Variants in HIRA observed in about 807,000 individuals in gnomAD.
HIRA encodes the protein protein HIRA.
A neutral mutation model predicts 126.6 loss-of-function variants in HIRA; 13 were observed. The ratio of observed to expected loss-of-function variants is 0.10; its 90% confidence interval spans 0.07 to 0.16. The LOEUF (loss-of-function observed/expected upper bound fraction) is 0.16, where lower values mean the gene tolerates loss of function less well. Among genes scored for constraint, HIRA ranks in the 10% least tolerant of loss-of-function variants. The pLI is 1.00. For synonymous variants in HIRA, 511 were observed against 520.0 expected (o/e 0.98, Z 0.24); for missense variants, 834 against 1,314.4 (o/e 0.63, Z 5.65).
chr22:19,388,768 T>A (rs2089150424), intron 9 of HIRA, among the ~76,000 whole-genome samples: 1 of 152,186 alleles, frequency 6.6e-6, no homozygotes, highest in South Asian at 2.1e-4. Context: ...GGACCCTGCC[T>A]CCAGGGCTTG....
At chr22:19,334,142 T>G (rs2088531190) in intron 24 of HIRA, among the ~76,000 whole-genome samples, 1 of 151,412 alleles carries the variant, frequency 6.6e-6, no homozygotes, top group Admixed American at 6.6e-5. Context: ...GCCTGGCTAA[T>G]TTTTTTGTAT....
chr22:19,383,743 T>C (rs1226078313), intron 12 of HIRA, 38 bp from the exon 13 acceptor site: 1 of 1,513,390 alleles, frequency 6.6e-7, no homozygotes, highest in Non-Finnish European at 9.2e-7. Flanking sequence ...TGCAAAAGTT[T>C]TGGCCAACTA....
chr22:19,426,598 G>A (rs1358662551), intron 1 of HIRA, among the ~76,000 whole-genome samples: 2 of 152,126 alleles, frequency 1.3e-5, no homozygotes, highest in South Asian at 2.1e-4. Flanking sequence ...CTAGAATACG[G>A]TTTGTATGTC....
At chr22:19,353,294 T>TGG in intron 23 of HIRA, 62 bp downstream of exon 23, 1 of 1,589,736 alleles carries the variant, frequency 6.3e-7, no homozygotes, top group Non-Finnish European at 8.6e-7. Flanking sequence ...AGGGACTAAG[T>TGG]GAGGCCTGGG....
intron 13 of HIRA, among the ~76,000 whole-genome samples, chr22:19,381,548 T>C (rs1477943229): frequency 6.6e-6 from 1 of 151,824 alleles, no homozygotes; most frequent in Admixed American, 6.5e-5. Flanking sequence ...ATATAATTTT[T>C]TTTCTTTTGA....
At position 19,405,898 on chromosome 22, in the gene HIRA, CA is replaced by C; in HGVS notation, c.303-19del. On this transcript the variant is annotated intron_variant, in intron 4 of 24. Transcript: ENST00000263208. ...CGATGTACCTGTGTGAGAAAGGGGC[CA>C]AAAAGGCACTCATGGAGTGCTCTGG... is the stretch of plus-strand genomic sequence containing the variant. The C allele has an allele frequency of 1.0e-5, 15 of 1,438,100 alleles. No individual in the cohort carries two copies. The highest frequency in any genetic ancestry group is 6.1e-5 in the South Asian group (4 of 65,222). The allele number at this position is 1,438,100 out of a possible 1,614,324, so 89.1% of individuals were successfully genotyped here.
At chr22:19,346,106 T>C (rs908415466) in intron 24 of HIRA, among the ~76,000 whole-genome samples, 1 of 152,252 alleles carries the variant, frequency 6.6e-6, no homozygotes, top group African/African-American at 2.4e-5. Flanking sequence ...ACAAGCCTTC[T>C]TGGGAGGGCT....
At chr22:19,356,157 C>T (rs1242574332) in intron 20 of HIRA, 73 bp downstream of exon 20, 23 of 1,386,590 alleles carry the variant, frequency 1.7e-5, no homozygotes, top group East Asian at 2.3e-5. Context: ...GCTCTCTGAG[C>T]GGGGCCCTTC....
chr22:19,344,839 A>G (rs1380838876), intron 24 of HIRA, among the ~76,000 whole-genome samples: 1 of 152,228 alleles, frequency 6.6e-6, no homozygotes, highest in Non-Finnish European at 1.5e-5. Context: ...ATGAAAACCA[A>G]TCACTGTAAT....
intron 1 of HIRA, among the ~76,000 whole-genome samples, chr22:19,425,492 C>G (rs1212450640): frequency 6.6e-6 from 1 of 152,148 alleles, no homozygotes; most frequent in Non-Finnish European, 1.5e-5. Context: ...AAGATCAGCA[C>G]AGTGGAAGCA....
intron 24 of HIRA, among the ~76,000 whole-genome samples, chr22:19,346,893 C>T (rs1189394706): frequency 6.6e-6 from 1 of 152,040 alleles, no homozygotes; most frequent in African/African-American, 2.4e-5. Flanking sequence ...AGTGAAGTGT[C>T]CTGTTTGGAG....
At chr22:19,354,829 G>A (rs2088795110) in intron 21 of HIRA, among the ~76,000 whole-genome samples, 1 of 152,044 alleles carries the variant, frequency 6.6e-6, no homozygotes, top group African/African-American at 2.4e-5. Context: ...GTGCAGTAGT[G>A]TGATTACAGC....
rs546811303 is a variant in HIRA, at chr22:19,337,290, C to T, written c.2938-5734G>A. On this transcript the variant is annotated intron_variant, in intron 24 of 24. Transcript: ENST00000263208. Reference sequence around the variant, plus strand: ...TGGATGAAAAATGCTCCAGAGAAATCGGTATCATAAAGAAAAAATCAAAAA... The same window carrying T: ...TGGATGAAAAATGCTCCAGAGAAATTGGTATCATAAAGAAAAAATCAAAAA... Among the ~76,000 whole-genome samples, 70 of 151,306 alleles carry T rather than the reference C, an allele frequency of 4.6e-4. 1 individual carries two copies. The highest frequency in any genetic ancestry group is 7.2e-4 in the Admixed American group (11 of 15,210).
intron 24 of HIRA, among the ~76,000 whole-genome samples, chr22:19,334,543 T>C (rs961854316): frequency 2.0e-5 from 3 of 151,060 alleles, no homozygotes; most frequent in African/African-American, 7.3e-5. Context: ...TCCCAGCACT[T>C]TGGGAGGCTG....
intron 24 of HIRA, among the ~76,000 whole-genome samples, chr22:19,338,155 G>A (rs1016717083): frequency 6.6e-6 from 1 of 152,048 alleles, no homozygotes; most frequent in Non-Finnish European, 1.5e-5. Flanking sequence ...AAGGGTTTGG[G>A]TTCCTATTTT....
intron 24 of HIRA, among the ~76,000 whole-genome samples, chr22:19,335,946 T>C (rs2088562836): frequency 6.6e-6 from 1 of 152,240 alleles, no homozygotes; most frequent in African/African-American, 2.4e-5. Context: ...TTTACTGTAC[T>C]GCACTTTCTC....
At chr22:19,411,385 C>T (rs761843818) in intron 1 of HIRA, among the ~76,000 whole-genome samples, 2 of 152,166 alleles carry the variant, frequency 1.3e-5, no homozygotes. Context: ...CCCAAAGAGC[C>T]CAGTATGGGC....
At chr22:19,335,980 A>C (rs1174554089) in intron 24 of HIRA, among the ~76,000 whole-genome samples, 1 of 152,196 alleles carries the variant, frequency 6.6e-6, no homozygotes, top group Non-Finnish European at 1.5e-5. Context: ...GTTTTCTTTA[A>C]TGACTTTAAG....
chr22:19,337,969 T>A (rs1556006459), intron 24 of HIRA, among the ~76,000 whole-genome samples: 1 of 152,076 alleles, frequency 6.6e-6, no homozygotes, highest in Non-Finnish European at 1.5e-5. Flanking sequence ...TTTTTGTATT[T>A]TTATTAGAGG....
Sources: allele counts gnomAD v4.1 joint callset (sites outside exome capture counted in the v4.1 genomes callset), GRCh38; gene constraint gnomAD v4.1.1; transcripts MANE v1.5; gene names NCBI Gene and HGNC (gene_info 2026-07-23, HGNC 2026-07-21).